Variants in KIDINS220 observed in about 807,000 individuals in gnomAD.
The protein encoded by KIDINS220 is kinase D interacting substrate 220.
A neutral mutation model predicts 157.6 loss-of-function variants in KIDINS220; 63 were observed. The ratio of observed to expected loss-of-function variants is 0.40; its 90% confidence interval spans 0.33 to 0.49. The LOEUF (loss-of-function observed/expected upper bound fraction) is 0.49. Among genes scored for constraint, KIDINS220 ranks in the 20% least tolerant of loss-of-function variants. KIDINS220 has a pLI of 0.66. For missense variants in KIDINS220, 1,772 were observed against 2,171.2 expected, an observed-to-expected ratio of 0.82 and a Z score of 3.65; for synonymous variants, 732 against 783.6, an observed-to-expected ratio of 0.93 and a Z score of 1.10.
At chr2:8,803,264 T>C in intron 7 of KIDINS220, 137 bp from the exon 8 acceptor site, 1 of 738,336 alleles carries the variant, frequency 1.4e-6, no homozygotes. Flanking sequence ...TTTCCAATAG[T>C]AAAATGCCAA....
chr2:8,768,684 G>A (rs1301608527), intron 22 of KIDINS220, among the ~76,000 whole-genome samples: 1 of 152,084 alleles, frequency 6.6e-6, no homozygotes, highest in Non-Finnish European at 1.5e-5. Flanking sequence ...ACATACTGCT[G>A]CTTTTTGTCG....
intron 26 of KIDINS220, among the ~76,000 whole-genome samples, chr2:8,738,918 C>A (rs886482549): frequency 6.6e-6 from 1 of 152,064 alleles, no homozygotes; most frequent in Non-Finnish European, 1.5e-5. Context: ...TGCATCTTTT[C>A]TTTAGGGTTA....
chr2:8,744,833 T>C (rs556121517), intron 26 of KIDINS220, among the ~76,000 whole-genome samples: 17 of 152,172 alleles, frequency 1.1e-4, no homozygotes, highest in Non-Finnish European at 1.3e-4. Flanking sequence ...TACATTCTAT[T>C]GTCGTTGTTA....
In KIDINS220 at chr2:8,735,264, G is replaced by T. The variant is rs147523288; in HGVS notation, c.3718-511C>A. Among the ~76,000 whole-genome samples the T allele has an allele frequency of 2.8e-4, 43 of 152,306 alleles. No homozygotes were observed. In the East Asian group the frequency reaches 4.2e-3, roughly 15 times the overall value. On this transcript the variant is annotated intron_variant, in intron 27 of 29. Transcript: ENST00000256707. ...TAAATTCACAAGGCCCGGCGCGGTG[G>T]CTCACGCATGTAATCCCAGAACTTT... is the stretch of plus-strand genomic sequence containing the variant.
chr2:8,751,514 A>T lies in KIDINS220; in HGVS notation c.3142T>A (p.Leu1048Met), dbSNP rs202037780. 6.2e-7 allele frequency: 1 copy of T among 1,613,710 alleles called. No individual in the cohort carries two copies. Among genetic ancestry groups the T allele is most frequent in the East Asian group, 2.2e-5 (1 of 44,854 alleles). Residue 1048 changes from leucine (L) to methionine (M), a missense_variant, in exon 23 of 30, where the codon TTG becomes ATG. Physicochemically the swap from Leu to Met is conservative, Grantham distance 15 (BLOSUM62 2). This residue lies in a region of KIDINS220 where 725 missense variants were observed against 1,017.1 expected (regional missense o/e 0.71). Transcript: ENST00000256707. ...VLVARDVKVF[L>M]PCTVNLDPKL... Reference sequence around the variant, plus strand: ...GGATCTAGGTTTACAGTGCATGGCAAAAAGACTTTTACATCTCGAGCCACA... The same window carrying T: ...GGATCTAGGTTTACAGTGCATGGCATAAAGACTTTTACATCTCGAGCCACA...
chr2:8,756,869 C>T (rs1377035580), intron 22 of KIDINS220, among the ~76,000 whole-genome samples: 1 of 152,198 alleles, frequency 6.6e-6, no homozygotes, highest in Non-Finnish European at 1.5e-5. Flanking sequence ...TACATAGCAG[C>T]AGGCATCCTT....
At chr2:8,780,922 G>T (rs1558407546) in intron 17 of KIDINS220, among the ~76,000 whole-genome samples, 1 of 151,596 alleles carries the variant, frequency 6.6e-6, no homozygotes. Flanking sequence ...AAATACGATA[G>T]ATATTAATCC....
Position 8,731,648 on chromosome 2 carries a change from G to A in KIDINS220, c.4388C>T (p.Ser1463Leu). The change falls in exon 30 of 30, where the codon TCA (serine) becomes TTA (leucine). Residue 1463 changes from serine to leucine, a missense_variant. Ser to Leu is a moderately radical substitution (Grantham distance 145). Around this residue, in one of 3 missense-constraint regions of KIDINS220, gnomAD observed 793 missense variants for 885.5 expected, o/e 0.90. Coordinates refer to ENST00000256707, the MANE Select transcript of KIDINS220 (RefSeq NM_020738.4). The surrounding 1 kb of genome is among the most constrained non-coding windows in gnomAD (Gnocchi z 5.2). ...KRGDVIDYSS[S>L]GVSTNDASPL... is the part of the protein sequence containing the mutation. ...GGAAGCATCGTTGGTGGAAACCCCT[G>A]ATGATGAATAATCGATAACATCTCC... The A allele has an allele frequency of 6.2e-7, 1 of 1,614,182 alleles. No homozygotes were observed. Among genetic ancestry groups the A allele is most frequent in the Non-Finnish European group, 8.5e-7 (1 of 1,180,024 alleles).
downstream of KIDINS220, chr2:8,727,350 T>G (rs146497371): frequency 2.6e-6 from 2 of 782,672 alleles, no homozygotes; most frequent in Non-Finnish European, 3.1e-6. Flanking sequence ...GCACCTTCCC[T>G]TTTACCCACG....
At chr2:8,752,851 C>G (rs1014494246) in intron 22 of KIDINS220, among the ~76,000 whole-genome samples, 1 of 151,964 alleles carries the variant, frequency 6.6e-6, no homozygotes, top group Non-Finnish European at 1.5e-5. Context: ...GACACAATAC[C>G]TCCTAATATA....
intron 8 of KIDINS220, among the ~76,000 whole-genome samples, chr2:8,800,719 T>C (rs1452356449): frequency 2.6e-5 from 4 of 152,180 alleles, no homozygotes; most frequent in African/African-American, 9.7e-5. Context: ...AAATGAGGAC[T>C]CTGAAATTCC....
chr2:8,814,036 A>G (rs1421069859), intron 4 of KIDINS220, among the ~76,000 whole-genome samples: 1 of 152,242 alleles, frequency 6.6e-6, no homozygotes. Flanking sequence ...TCTAACAATC[A>G]TATTCAACTC....
At chr2:8,795,018 C>A (rs1415376561) in intron 11 of KIDINS220, among the ~76,000 whole-genome samples, 1 of 152,154 alleles carries the variant, frequency 6.6e-6, no homozygotes, top group South Asian at 2.1e-4. Context: ...TAGCTTATGT[C>A]GTAATAGGAA....
chr2:8,737,035 G>A (rs1220036021), intron 26 of KIDINS220, 36 bp from the exon 27 acceptor site: 2 of 1,605,958 alleles, frequency 1.2e-6, no homozygotes, highest in East Asian at 2.2e-5. Context: ...GTATGAATAA[G>A]CATTTAATGC....
intron 17 of KIDINS220, among the ~76,000 whole-genome samples, chr2:8,782,894 C>T (rs373971040): frequency 1.3e-5 from 2 of 151,978 alleles, no homozygotes; most frequent in African/African-American, 4.8e-5. Flanking sequence ...TAATGTAATC[C>T]ATCACTTCAA....
At position 8,786,039 on chromosome 2, in the gene KIDINS220, C is replaced by A. The variant is rs757749656; in HGVS notation, c.1940-9G>T. ...TTTCCATTTCTTTTTACCTGTAATG[C>A]AACAAATGGTTTTAATAATTAACAT... On this transcript the variant is annotated splice_polypyrimidine_tract_variant and intron_variant, in intron 16 of 29. Coordinates refer to ENST00000256707, the MANE Select transcript of KIDINS220 (RefSeq NM_020738.4). The A allele has an allele frequency of 5.6e-6, 9 of 1,593,468 alleles. No homozygotes were observed. Among genetic ancestry groups the A allele is most frequent in the African/African-American group, 2.7e-5 (2 of 73,914 alleles).
chr2:8,805,977 T>C (rs981030048), intron 7 of KIDINS220, among the ~76,000 whole-genome samples: 2 of 152,214 alleles, frequency 1.3e-5, no homozygotes, highest in Middle Eastern at 3.2e-3. Context: ...ATCCCTGTCA[T>C]TAAGCGACAC....
chr2:8,822,433 G>A (rs1206751564), intron 2 of KIDINS220, among the ~76,000 whole-genome samples: 1 of 152,050 alleles, frequency 6.6e-6, no homozygotes, highest in Non-Finnish European at 1.5e-5. Context: ...AGAATAGCCT[G>A]GGCAACATTG....
chr2:8,753,433 G>A (rs1014957210), intron 22 of KIDINS220, among the ~76,000 whole-genome samples: 1 of 152,148 alleles, frequency 6.6e-6, no homozygotes. Context: ...AAAGGAAGAC[G>A]TGGAAAATTT....
Sources: gnomAD v4.1 joint callset for allele counts (sites outside exome capture counted in the v4.1 genomes callset) on GRCh38, gnomAD v4.1.1 for gene constraint, gnomAD v4.1.1 regional missense constraint, Gnocchi (gnomAD v3.1) non-coding constraint, MANE v1.5 for transcripts, NCBI Gene and HGNC (gene_info 2026-07-23, HGNC 2026-07-21) for gene names.